The following MYOF variants were observed in gnomAD, a reference collection of about 807,000 sequenced individuals.
MYOF encodes the protein fer-1-like 3, myoferlin.
MYOF carries 244 observed loss-of-function variants against 284.2 expected under a neutral mutation model. The observed-to-expected ratio is 0.86, with a 90% CI of 0.77 to 0.95. The LOEUF (loss-of-function observed/expected upper bound fraction) is 0.95, where lower values mean the gene tolerates loss of function less well. Ranked by LOEUF, MYOF falls within the 40% of genes least tolerant of loss-of-function variation. MYOF has a pLI of 0.00. For missense variants in MYOF, 2,496 were observed against 2,560.6 expected, an observed-to-expected ratio of 0.97 and a Z score of 0.54; for synonymous variants, 904 against 919.7, an observed-to-expected ratio of 0.98 and a Z score of 0.31.
Position 93,323,129 on chromosome 10 carries a change from A to C in MYOF, c.5405T>G (p.Leu1802Trp), listed in dbSNP as rs763657684. The C allele has an allele frequency of 1.6e-5, 26 of 1,614,152 alleles. No individual in the cohort carries two copies. The South Asian group carries it at 2.7e-4, about 17-fold the overall frequency. The change falls in exon 48 of 54, where the codon TTG becomes TGG. Residue 1802 changes from leucine (L) to tryptophan (W), a missense_variant. Coordinates refer to ENST00000359263, the MANE Select transcript of MYOF (RefSeq NM_013451.4). Reference sequence around the variant, plus strand: ...CTCTCCTGTGATGCTTTTCTCGTCCAAGATAACGTCCTTGGTGTTCCAGAT... The same window carrying C: ...CTCTCCTGTGATGCTTTTCTCGTCCCAGATAACGTCCTTGGTGTTCCAGAT... ...VIIWNTKDVI[L>W]DEKSITGEEM...
chr10:93,446,918 C>T (rs61126814), intron 3 of MYOF, among the ~76,000 whole-genome samples: 7,068 of 151,896 alleles, frequency 0.047, 416 homozygotes, highest in African/African-American at 0.13. Flanking sequence ...GGTTTCACCA[C>T]GATGACCAGG....
intron 43 of MYOF, among the ~76,000 whole-genome samples, chr10:93,332,702 C>T (rs1291743847): frequency 6.6e-6 from 1 of 151,892 alleles, no homozygotes; most frequent in African/African-American, 2.4e-5. Context: ...AAAAAATTAG[C>T]CGGGCGTGGT....
At chr10:93,316,662 A>G (rs1842624666) in intron 50 of MYOF, 52 bp downstream of exon 50, 2 of 1,476,544 alleles carry the variant, frequency 1.4e-6, no homozygotes, top group South Asian at 2.3e-5. Context: ...CATTGACCCC[A>G]CTAATTCCAA....
rs751428360 is a variant in MYOF, at chr10:93,329,750, T to G, written c.4896A>C (p.Glu1632Asp). ...VYDYDTFTRD[E>D]KVGETIIDLE... ...GATCAATAATTGTTTCTCCTACTTTTTCATCCCGGGTAAAGGTGTCATAAT... is the reference window on the plus strand; with the variant it reads ...GATCAATAATTGTTTCTCCTACTTTGTCATCCCGGGTAAAGGTGTCATAAT... Residue 1632 changes from glutamate to aspartate, a missense_variant, in exon 44 of 54, where the codon GAA (glutamate) becomes GAC (aspartate). Glu to Asp is a conservative substitution (Grantham distance 45). Around this residue, in one of 3 missense-constraint regions of MYOF, gnomAD observed 2,436 missense variants for 2,480.7 expected, o/e 0.98. Transcript: ENST00000359263. 1 of 1,614,222 alleles carries G rather than the reference T, an allele frequency of 6.2e-7. No homozygotes were observed. Among genetic ancestry groups the G allele is most frequent in the Non-Finnish European group, 8.5e-7 (1 of 1,180,034 alleles).
intron 1 of MYOF, among the ~76,000 whole-genome samples, chr10:93,466,486 G>A (rs1200993060): frequency 6.6e-6 from 1 of 152,192 alleles, no homozygotes; most frequent in Admixed American, 6.5e-5. Context: ...CAAGGGAGCT[G>A]CAGTGAAGTC....
At chr10:93,353,328 T>C (rs750633653) in intron 32 of MYOF, among the ~76,000 whole-genome samples, 1 of 152,160 alleles carries the variant, frequency 6.6e-6, no homozygotes, top group Non-Finnish European at 1.5e-5. Context: ...CATGGTTTTA[T>C]GGTATTGGGA....
chr10:93,364,541 G>A (rs986504259), intron 26 of MYOF, among the ~76,000 whole-genome samples: 3 of 152,162 alleles, frequency 2.0e-5, no homozygotes, highest in African/African-American at 4.8e-5. Context: ...GGCTTGCTTG[G>A]TCTACATAAC....
intron 49 of MYOF, 55 bp from the exon 50 acceptor site, chr10:93,316,868 C>T: frequency 7.0e-7 from 1 of 1,432,996 alleles, no homozygotes; most frequent in South Asian, 1.2e-5. Context: ...CCTTTGGCTC[C>T]TTAAGACAGC....
chr10:93,376,744 G>T (rs1845854607), intron 22 of MYOF, among the ~76,000 whole-genome samples: 1 of 152,126 alleles, frequency 6.6e-6, no homozygotes, highest in African/African-American at 2.4e-5. Context: ...ATTTCCATAT[G>T]CTAAAAGATC....
chr10:93,403,694 C>G (rs1050449406), intron 9 of MYOF, among the ~76,000 whole-genome samples: 2 of 152,144 alleles, frequency 1.3e-5, no homozygotes, highest in Non-Finnish European at 2.9e-5. Context: ...GCAGATGGAG[C>G]TTTGGGGCCC....
chr10:93,375,730 C>A (rs183035749), intron 22 of MYOF, among the ~76,000 whole-genome samples: 222 of 152,306 alleles, frequency 1.5e-3, no homozygotes, highest in Admixed American at 2.5e-3. Context: ...TTTATTATCA[C>A]CATCATCTCA....
Position 93,380,017 on chromosome 10 carries a change from A to C in MYOF, c.1877-30T>G. 3 of 1,603,776 alleles carry C rather than the reference A, an allele frequency of 1.9e-6. No individual in the cohort carries two copies. In the South Asian group the frequency reaches 3.3e-5, roughly 18 times the overall value. On this transcript the variant is annotated intron_variant, in intron 20 of 53. Transcript: ENST00000359263. ...TATAAAACATTGGGGGTCAATGAAC[A>C]CTGAACACTTAAAATAGACAGCATG...
At chr10:93,309,292 C>A (rs902306411) in intron 53 of MYOF, among the ~76,000 whole-genome samples, 1 of 152,172 alleles carries the variant, frequency 6.6e-6, no homozygotes, top group East Asian at 1.9e-4. Context: ...ACAAATCATG[C>A]CAATAATTTA....
At chr10:93,431,660 G>A (rs1848877853) in intron 3 of MYOF, 144 bp from the exon 4 acceptor site, 2 of 604,672 alleles carry the variant, frequency 3.3e-6, no homozygotes, top group South Asian at 2.1e-5. Flanking sequence ...TATTAGCCTC[G>A]CAGGGCATTT....
chr10:93,356,149 A>G (rs1270785937), intron 30 of MYOF, among the ~76,000 whole-genome samples: 1 of 152,092 alleles, frequency 6.6e-6, no homozygotes, highest in East Asian at 1.9e-4. Flanking sequence ...TGACCACCCT[A>G]TTGTTTTAGA....
chr10:93,369,900 T>C, intron 24 of MYOF, 124 bp from the exon 25 acceptor site: 1 of 1,250,824 alleles, frequency 8.0e-7, no homozygotes, highest in Non-Finnish European at 1.1e-6. Context: ...TTATGTTTGC[T>C]TCAGTTAAAA....
chr10:93,309,050 G>A (rs1003145840), intron 53 of MYOF, among the ~76,000 whole-genome samples: 1 of 152,164 alleles, frequency 6.6e-6, no homozygotes, highest in Non-Finnish European at 1.5e-5. Context: ...AAGAGCTTTT[G>A]AATGTCTCCT....
chr10:93,407,401 C>G (rs1443796377), intron 7 of MYOF, among the ~76,000 whole-genome samples: 4 of 120,514 alleles, frequency 3.3e-5, no homozygotes, highest in Admixed American at 2.1e-4. Context: ...ACACTCCAGC[C>G]TTGGCAACAG....
chr10:93,423,308 C>T (rs1296036905), intron 5 of MYOF, among the ~76,000 whole-genome samples: 2 of 151,706 alleles, frequency 1.3e-5, no homozygotes, highest in African/African-American at 4.8e-5. Flanking sequence ...AAGCAGATCA[C>T]TTGAGGTCAG....
Sources: gnomAD v4.1 joint callset for allele counts (sites outside exome capture counted in the v4.1 genomes callset) on GRCh38, gnomAD v4.1.1 for gene constraint, gnomAD v4.1.1 regional missense constraint, MANE v1.5 for transcripts, NCBI Gene and HGNC (gene_info 2026-07-23, HGNC 2026-07-21) for gene names.